AK2: variants seen among roughly 807,000 people sequenced by gnomAD.
The protein encoded by AK2 is adenylate kinase 2.
AK2 carries 15 observed loss-of-function variants against 24.6 expected under a neutral mutation model. That is an observed-to-expected ratio of 0.61 (90% CI 0.41 to 0.94). The LOEUF is 0.94. Among genes scored for constraint, AK2 ranks in the 40% least tolerant of loss-of-function variants. AK2 has a pLI of 0.00. For missense variants in AK2, 257 were observed against 304.1 expected (o/e 0.85, Z 1.15); for synonymous variants, 102 against 114.0 (o/e 0.90, Z 0.67).
In AK2 at chr1:33,011,924, A is replaced by G; in HGVS notation, c.*1257T>C. The stretch of plus-strand genomic sequence containing the variant: ...AGAAAGGAGAGGGTTTGGGCTTAAA[A>G]AGAACATATCTGATTTCAGTTTTAT... On this transcript the variant is annotated 3_prime_UTR_variant, in exon 6 of 6. Transcript: ENST00000672715. 1 of 1,533,354 alleles carries G rather than the reference A, an allele frequency of 6.5e-7. No individual in the cohort carries two copies. Among genetic ancestry groups the G allele is most frequent in the Non-Finnish European group, 8.7e-7 (1 of 1,146,168 alleles). 95.0% of individuals were successfully genotyped at this position (1,533,354 alleles called of 1,614,324 possible).
chr1:33,014,519 T>A lies in AK2; in HGVS notation c.498+3A>T. 1 of 1,611,428 alleles carries A rather than the reference T, an allele frequency of 6.2e-7. No individual in the cohort carries two copies. The highest frequency in any genetic ancestry group is 8.5e-7 in the Non-Finnish European group (1 of 1,177,996). On this transcript the variant is annotated splice_donor_region_variant and intron_variant, in intron 5 of 5. Transcript: ENST00000672715. ...GGAAATTTTTTGTCCTGAGTTTACA[T>A]ACGTCATCTTTCATGGGCTCTTTTG... is the stretch of plus-strand genomic sequence containing the variant.
chr1:33,019,857 G>T, intron 4 of AK2: 6 of 1,279,934 alleles, frequency 4.7e-6, no homozygotes, highest in Non-Finnish European at 4.9e-6. Flanking sequence ...GTAAACAATG[G>T]TTAACCTACT....
chr1:33,019,921 T>C, intron 4 of AK2: 7 of 1,405,986 alleles, frequency 5.0e-6, no homozygotes, highest in South Asian at 1.6e-5. Flanking sequence ...TGGTTCAAGA[T>C]GGTTGGCTGA....
chr1:33,019,051 G>A (rs769157783), intron 4 of AK2, among the ~76,000 whole-genome samples: 1 of 152,098 alleles, frequency 6.6e-6, no homozygotes. Flanking sequence ...TAGCCTCAGC[G>A]AAAGTCCAAC....
At position 33,013,079 on chromosome 1, in the gene AK2, AATG is replaced by A. The variant is rs1638933829; in HGVS notation, c.*99_*101del. ...AAGTGCTTTTTTAATCAATACATCAAATGATATTTTTGCTAGCCTGAGGAAGCT... is the reference window on the plus strand; with the variant it reads ...AAGTGCTTTTTTAATCAATACATCAAATATTTTTGCTAGCCTGAGGAAGCT... On this transcript the variant is annotated 3_prime_UTR_variant, in exon 6 of 6. Coordinates refer to ENST00000672715, the MANE Select transcript of AK2 (RefSeq NM_001625.4). 6.2e-7 allele frequency: 1 copy of A among 1,608,988 alleles called. No individual in the cohort carries two copies. The highest frequency in any genetic ancestry group is 1.3e-5 in the African/African-American group (1 of 74,936).
chr1:33,025,400 C>T (rs1639818132), intron 1 of AK2, among the ~76,000 whole-genome samples: 1 of 152,160 alleles, frequency 6.6e-6, no homozygotes, highest in African/African-American at 2.4e-5. Context: ...AGTTTGCCCC[C>T]AGGCAGAACT....
intron 4 of AK2, among the ~76,000 whole-genome samples, chr1:33,017,736 T>G (rs578181510): frequency 2.0e-5 from 3 of 152,312 alleles, no homozygotes; most frequent in Admixed American, 2.0e-4. Context: ...CTACAATCAC[T>G]GCTACCGTGA....
At chr1:33,022,463 C>T (rs1404704212) in intron 2 of AK2, among the ~76,000 whole-genome samples, 1 of 148,208 alleles carries the variant, frequency 6.7e-6, no homozygotes, top group Non-Finnish European at 1.5e-5. Flanking sequence ...TCAGGTGATT[C>T]AAGTGCCTCA....
At chr1:33,025,947 A>C (rs565416281) in intron 1 of AK2, among the ~76,000 whole-genome samples, 57 of 152,242 alleles carry the variant, frequency 3.7e-4, no homozygotes, top group Non-Finnish European at 6.0e-4. Flanking sequence ...AGATGAATAA[A>C]AGGCATAGAC....
chr1:33,027,157 A>G (rs902312646), intron 1 of AK2, among the ~76,000 whole-genome samples: 3 of 152,186 alleles, frequency 2.0e-5, no homozygotes, highest in African/African-American at 7.2e-5. Flanking sequence ...TACTTTGCAA[A>G]ATCAGTGAAT....
At chr1:33,013,544 T>A in intron 5 of AK2, 142 bp from the exon 6 acceptor site, 1 of 1,451,056 alleles carries the variant, frequency 6.9e-7, no homozygotes, top group Non-Finnish European at 9.3e-7. Context: ...AGACAGGCAA[T>A]CCAGACCCTC....
At chr1:33,016,659 C>T (rs972238149) in intron 4 of AK2, among the ~76,000 whole-genome samples, 1 of 152,030 alleles carries the variant, frequency 6.6e-6, no homozygotes, top group East Asian at 1.9e-4. Flanking sequence ...CAAGCATGCG[C>T]CACCATGCCT....
chr1:33,028,363 C>T (rs751677816), intron 1 of AK2, among the ~76,000 whole-genome samples: 2 of 151,978 alleles, frequency 1.3e-5, no homozygotes, highest in African/African-American at 2.4e-5. Context: ...ATTAGCTGGG[C>T]GTGGTGGCAT....
In AK2 at chr1:33,011,607, T is replaced by C. The variant is rs980603028; in HGVS notation, c.*1574A>G. On this transcript the variant is annotated 3_prime_UTR_variant, in exon 6 of 6. Transcript: ENST00000672715. ...ACTGAATCGAGTCAGCAGCAGATTA[T>C]GCTGAGGCTGGCGATATTATTTACT... 1.6e-6 allele frequency: 2 copies of C among 1,288,772 alleles called. No homozygotes were observed. Among genetic ancestry groups the C allele is most frequent in the African/African-American group, 3.0e-5 (2 of 65,876 alleles). The allele number at this position is 1,288,772 out of a possible 1,614,324, so 79.8% of individuals were successfully genotyped here. A position where few individuals can be genotyped will look rare whatever the true frequency, so the allele number is the denominator to read the frequency against.
At chr1:33,020,263 T>C in intron 4 of AK2, 1 of 933,348 alleles carries the variant, frequency 1.1e-6, no homozygotes, top group Non-Finnish European at 1.6e-6. Flanking sequence ...TCTTCCTCCA[T>C]TTTCTAAACT....
At chr1:33,035,631 G>A (rs1459702615) in intron 1 of AK2, among the ~76,000 whole-genome samples, 1 of 152,156 alleles carries the variant, frequency 6.6e-6, no homozygotes, top group Non-Finnish European at 1.5e-5. Flanking sequence ...CAACCTGCGG[G>A]CTTCCAAATC....
At chr1:33,022,102 G>C (rs187360755) in intron 2 of AK2, among the ~76,000 whole-genome samples, 1 of 152,250 alleles carries the variant, frequency 6.6e-6, no homozygotes. Flanking sequence ...TCAAGGCACA[G>C]GAAATGTGAG....
In AK2 at chr1:33,010,002, A is replaced by G; in HGVS notation, c.*3179T>C. 2.2e-6 allele frequency: 1 copy of G among 454,646 alleles called. No homozygotes were observed. Among genetic ancestry groups the G allele is most frequent in the South Asian group, 1.6e-5 (1 of 64,482 alleles). 28.2% of individuals were successfully genotyped at this position (454,646 alleles called of 1,614,324 possible). On this transcript the variant is annotated 3_prime_UTR_variant, in exon 6 of 6. Coordinates refer to ENST00000672715, the MANE Select transcript of AK2 (RefSeq NM_001625.4). ...TTAAGAAAGGCACCTCATTGAAAATAATACATCACAGTGCTGTTGAGTGAT... is the reference window on the plus strand; with the variant it reads ...TTAAGAAAGGCACCTCATTGAAAATGATACATCACAGTGCTGTTGAGTGAT...
intron 4 of AK2, chr1:33,020,279 C>T: frequency 2.5e-6 from 2 of 786,872 alleles, no homozygotes; most frequent in Non-Finnish European, 4.0e-6. Context: ...AAACTTTGTA[C>T]AGATGGTTAT....
Sources: allele counts gnomAD v4.1 joint callset (sites outside exome capture counted in the v4.1 genomes callset), GRCh38; gene constraint gnomAD v4.1.1; transcripts MANE v1.5; gene names NCBI Gene and HGNC (gene_info 2026-07-23, HGNC 2026-07-21).